GRIN2B: variants seen among roughly 807,000 people sequenced by gnomAD.
The protein encoded by GRIN2B is glutamate ionotropic receptor NMDA type subunit 2B.
Under a neutral mutation model 114.5 loss-of-function variants are expected in GRIN2B, and 5 were observed. The observed-to-expected ratio is 0.04, with a 90% CI of 0.02 to 0.09. GRIN2B has a LOEUF of 0.09. GRIN2B is among the 10% of genes least tolerant of loss of function. The probability of loss-of-function intolerance (pLI) is 1.00; values close to 1 mark genes in which losing one functional copy is unlikely to be tolerated. For missense variants in GRIN2B, 1,108 were observed against 1,943.5 expected (o/e 0.57, Z 8.08); for synonymous variants, 787 against 745.1 (o/e 1.06, Z -0.92).
intron 2 of GRIN2B, among the ~76,000 whole-genome samples, chr12:13,929,032 A>G (rs1296382979): frequency 6.6e-6 from 1 of 152,218 alleles, no homozygotes; most frequent in Non-Finnish European, 1.5e-5. Context: ...TTATGGATGA[A>G]TAACTAAAAT....
intron 2 of GRIN2B, among the ~76,000 whole-genome samples, chr12:13,913,407 T>C (rs1054551121): frequency 1.3e-5 from 2 of 152,008 alleles, no homozygotes; most frequent in African/African-American, 4.8e-5. Context: ...AGTGCCCCCT[T>C]TGAGAACCAA....
At chr12:13,942,877 T>C (rs995790027) in intron 2 of GRIN2B, among the ~76,000 whole-genome samples, 2 of 152,206 alleles carry the variant, frequency 1.3e-5, no homozygotes, top group African/African-American at 4.8e-5. Flanking sequence ...TCTCTCCCTG[T>C]GAGGATAAAT....
intron 4 of GRIN2B, among the ~76,000 whole-genome samples, chr12:13,730,180 A>G (rs1204579772): frequency 6.6e-6 from 1 of 152,184 alleles, no homozygotes; most frequent in Non-Finnish European, 1.5e-5. Context: ...GGAATTGCTC[A>G]GATTTCATAT....
intron 10 of GRIN2B, among the ~76,000 whole-genome samples, chr12:13,605,249 A>G (rs1949223703): frequency 6.6e-6 from 1 of 152,188 alleles, no homozygotes; most frequent in African/African-American, 2.4e-5. Context: ...AATTTCCCAG[A>G]TGAGCTAGGG....
At chr12:13,896,318 C>T (rs1002636749) in intron 2 of GRIN2B, among the ~76,000 whole-genome samples, 6 of 151,924 alleles carry the variant, frequency 3.9e-5, no homozygotes, top group Non-Finnish European at 2.9e-5. Flanking sequence ...GACAAGTCCA[C>T]GGAGGATTGT....
chr12:13,804,984 C>T (rs986795451), intron 3 of GRIN2B, among the ~76,000 whole-genome samples: 12 of 152,148 alleles, frequency 7.9e-5, no homozygotes, highest in African/African-American at 1.7e-4. Flanking sequence ...CTGTCATATT[C>T]GCAATACACA....
At chr12:13,663,517 A>G (rs1395214005) in intron 5 of GRIN2B, among the ~76,000 whole-genome samples, 4 of 152,222 alleles carry the variant, frequency 2.6e-5, no homozygotes, top group Non-Finnish European at 5.9e-5. Context: ...TGCTATATCA[A>G]AACTGAGGGG....
At chr12:13,749,729 T>C (rs1406972929) in intron 4 of GRIN2B, among the ~76,000 whole-genome samples, 1 of 152,186 alleles carries the variant, frequency 6.6e-6, no homozygotes, top group Non-Finnish European at 1.5e-5. Flanking sequence ...TGAATGTGCC[T>C]AATTGATTCC....
chr12:13,811,840 C>T (rs925447537), intron 3 of GRIN2B, among the ~76,000 whole-genome samples: 5 of 152,018 alleles, frequency 3.3e-5, no homozygotes, highest in African/African-American at 9.7e-5. Context: ...CTTCTTTTAA[C>T]GGAGATAAGG....
intron 10 of GRIN2B, among the ~76,000 whole-genome samples, chr12:13,603,440 A>T (rs2136458988): frequency 6.6e-6 from 1 of 152,236 alleles, no homozygotes; most frequent in East Asian, 1.9e-4. Flanking sequence ...AGCCAGGAAC[A>T]CCATAAGGGC....
At chr12:13,616,342 A>G in intron 6 of GRIN2B, 113 bp downstream of exon 6, 1 of 773,086 alleles carries the variant, frequency 1.3e-6, no homozygotes, top group Non-Finnish European at 2.3e-6. Flanking sequence ...GCAACTAGAA[A>G]TCAGACACAG....
At chr12:13,650,890 T>C (rs1335895185) in intron 5 of GRIN2B, among the ~76,000 whole-genome samples, 2 of 152,154 alleles carry the variant, frequency 1.3e-5, no homozygotes, top group East Asian at 1.9e-4. Context: ...GCTCGAGTAG[T>C]AGATTAGTTC....
rs559860649 is a variant in GRIN2B at position 13,938,710 on chromosome 12, T to C, written c.-19+41218A>G. On this transcript the variant is annotated intron_variant, in intron 2 of 13. Transcript: ENST00000609686. ...GTGGGGATACAGATAAGAGTGATAG[T>C]TGTCTTGGGTAGGGAACTGGTGAGT... Among the ~76,000 whole-genome samples, 9 of 152,296 alleles carry C rather than the reference T, an allele frequency of 5.9e-5. No homozygotes were observed. The South Asian group carries it at 1.9e-3, about 32-fold the overall frequency.
At chr12:13,689,710 A>G (rs1950199543) in intron 4 of GRIN2B, among the ~76,000 whole-genome samples, 1 of 152,134 alleles carries the variant, frequency 6.6e-6, no homozygotes, top group Non-Finnish European at 1.5e-5. Flanking sequence ...GCCTAGAGCC[A>G]AAGTCTGCTC....
intron 2 of GRIN2B, among the ~76,000 whole-genome samples, chr12:13,868,455 TACACACAC>T (rs71436778): frequency 1.2e-3 from 177 of 148,892 alleles, no homozygotes; most frequent in Non-Finnish European, 2.1e-3. Flanking sequence ...GTGGACAAAG[TACACACAC>T]ACACACACAC....
intron 2 of GRIN2B, among the ~76,000 whole-genome samples, chr12:13,958,673 G>A (rs865988673): frequency 6.6e-6 from 1 of 152,024 alleles, no homozygotes; most frequent in African/African-American, 2.4e-5. Flanking sequence ...GCCTGTGTTT[G>A]GCAAGCCCAG....
rs1041243782 is a variant in GRIN2B, at chr12:13,981,328, C to T, written c.-448+14G>A. 2.6e-5 allele frequency: 4 copies of T among 152,420 alleles called. No homozygotes were observed. The highest frequency in any genetic ancestry group is 2.1e-4 in the South Asian group (1 of 4,822). The allele number at this position is 152,420 out of a possible 1,614,324, so 9.4% of individuals were successfully genotyped here. A position where few individuals can be genotyped will look rare whatever the true frequency, so the allele number is the denominator to read the frequency against. Reference sequence around the variant, plus strand: ...ACATTCAAAGGAGAGACTCCAAAGCCCATCTTTACGTACCGGCTCCGAGCG... The same window carrying T: ...ACATTCAAAGGAGAGACTCCAAAGCTCATCTTTACGTACCGGCTCCGAGCG... On this transcript the variant is annotated intron_variant, in intron 1 of 13. Transcript: ENST00000609686.
intron 4 of GRIN2B, among the ~76,000 whole-genome samples, chr12:13,701,615 G>A (rs965856697): frequency 5.9e-5 from 9 of 151,986 alleles, no homozygotes; most frequent in African/African-American, 2.2e-4. Flanking sequence ...AACAAGCAGT[G>A]CCTGCTCTAA....
chr12:13,666,987 C>T (rs1405204272), intron 5 of GRIN2B, among the ~76,000 whole-genome samples: 5 of 152,152 alleles, frequency 3.3e-5, no homozygotes, highest in Non-Finnish European at 7.4e-5. Context: ...CAGGTATGTT[C>T]TATCCCTACT....
Sources: gnomAD v4.1 joint callset for allele counts (sites outside exome capture counted in the v4.1 genomes callset) on GRCh38, gnomAD v4.1.1 for gene constraint, MANE v1.5 for transcripts, NCBI Gene and HGNC (gene_info 2026-07-23, HGNC 2026-07-21) for gene names.